KAZN: variants seen among roughly 807,000 people sequenced by gnomAD.
KAZN encodes kazrin, periplakin interacting protein.
In KAZN, 40 loss-of-function variants were observed where a neutral mutation model predicts 87.4. The ratio of observed to expected loss-of-function variants is 0.46; its 90% confidence interval spans 0.36 to 0.60. The LOEUF (loss-of-function observed/expected upper bound fraction) is 0.60, where lower values mean the gene tolerates loss of function less well. Among genes scored for constraint, KAZN ranks in the 20% least tolerant of loss-of-function variants. The probability of loss-of-function intolerance (pLI) is 0.00; values close to 1 mark genes in which losing one functional copy is unlikely to be tolerated. For missense variants in KAZN, 898 were observed against 1,073.9 expected (o/e 0.84, Z 2.29); for synonymous variants, 466 against 458.3 (o/e 1.02, Z -0.22).
intron 1 of KAZN, among the ~76,000 whole-genome samples, chr1:14,743,094 G>A (rs997721766): frequency 2.0e-5 from 3 of 152,172 alleles, no homozygotes; most frequent in African/African-American, 7.2e-5. Flanking sequence ...CAGGCATGAA[G>A]AGGCCAGGAG....
intron 1 of KAZN, among the ~76,000 whole-genome samples, chr1:14,077,618 A>C (rs1643512483): frequency 6.6e-6 from 1 of 152,232 alleles, no homozygotes; most frequent in Non-Finnish European, 1.5e-5. Context: ...TGAAGAGAAA[A>C]AAGAAACCAA....
intron 2 of KAZN, among the ~76,000 whole-genome samples, chr1:14,530,792 A>T (rs1284080474): frequency 6.6e-6 from 1 of 152,032 alleles, no homozygotes; most frequent in Non-Finnish European, 1.5e-5. Flanking sequence ...CTTATAAATT[A>T]CCCAGTCTCT....
intron 2 of KAZN, among the ~76,000 whole-genome samples, chr1:14,325,538 GGAGA>G (rs575465670): frequency 8.0e-4 from 121 of 152,146 alleles, no homozygotes; most frequent in African/African-American, 2.6e-3. Flanking sequence ...CAGAAAAGTA[GGAGA>G]GAGAGAAAAA....
At chr1:14,410,967 C>T (rs1004918111) in intron 2 of KAZN, among the ~76,000 whole-genome samples, 9 of 152,144 alleles carry the variant, frequency 5.9e-5, no homozygotes, top group South Asian at 4.1e-4. Context: ...TTGTTTAAGC[C>T]GCCAAGTTTC....
At chr1:14,894,244 G>A (rs1190685485) in intron 1 of KAZN, among the ~76,000 whole-genome samples, 2 of 151,994 alleles carry the variant, frequency 1.3e-5, no homozygotes, top group African/African-American at 4.8e-5. Flanking sequence ...TCGCCTGCCT[G>A]ACCCGACAGA....
Position 14,879,773 on chromosome 1 carries a change from G to A in KAZN, c.227-80911G>A, listed in dbSNP as rs537954214. On this transcript the variant is annotated intron_variant, in intron 1 of 14. Transcript: ENST00000376030. ...GAATGTAGACCGTCCCCCACAGCAT[G>A]GACATGCCTAAGACACAGTCGGGTT... Among the ~76,000 whole-genome samples the A allele has an allele frequency of 2.6e-5, 4 of 152,268 alleles. No individual in the cohort carries two copies. In the South Asian group the frequency reaches 8.3e-4, roughly 32 times the overall value.
intron 1 of KAZN, among the ~76,000 whole-genome samples, chr1:14,085,245 T>G (rs1479893975): frequency 6.6e-6 from 1 of 152,244 alleles, no homozygotes; most frequent in Admixed American, 6.5e-5. Flanking sequence ...TGTGACTTTT[T>G]GGATGTAATT....
At chr1:14,383,147 T>TGC (rs1661526351) in intron 2 of KAZN, among the ~76,000 whole-genome samples, 2 of 151,778 alleles carry the variant, frequency 1.3e-5, no homozygotes, top group African/African-American at 4.9e-5. Context: ...ATATCCTTCA[T>TGC]CCACTTTTTG....
chr1:14,478,654 A>G (rs1363864052), intron 2 of KAZN, among the ~76,000 whole-genome samples: 2 of 152,114 alleles, frequency 1.3e-5, no homozygotes, highest in Non-Finnish European at 2.9e-5. Context: ...AACATATTTC[A>G]CTTCTTTTAT....
At chr1:14,705,908 C>T (rs1642185153) in intron 1 of KAZN, among the ~76,000 whole-genome samples, 2 of 152,112 alleles carry the variant, frequency 1.3e-5, no homozygotes, top group African/African-American at 4.8e-5. Flanking sequence ...CAGTCCATGG[C>T]CTGTTAAGAA....
intron 1 of KAZN, among the ~76,000 whole-genome samples, chr1:14,125,694 T>C (rs1389114905): frequency 6.6e-6 from 1 of 152,150 alleles, no homozygotes; most frequent in Admixed American, 6.5e-5. Context: ...AGTAAACTTC[T>C]GTTAAGTCAC....
chr1:14,156,926 TC>T (rs1414998439), intron 1 of KAZN, among the ~76,000 whole-genome samples: 1 of 151,030 alleles, frequency 6.6e-6, no homozygotes, highest in Non-Finnish European at 1.5e-5. Flanking sequence ...TTTTTTTTTT[TC>T]CTTGTCTTTT....
chr1:15,040,071 T>C (rs1672735868), intron 3 of KAZN, among the ~76,000 whole-genome samples: 1 of 152,242 alleles, frequency 6.6e-6, no homozygotes, highest in Admixed American at 6.5e-5. Flanking sequence ...TAGTCATTGT[T>C]GGGTCCAGCC....
intron 8 of KAZN, among the ~76,000 whole-genome samples, chr1:15,089,998 C>T (rs1640459297): frequency 6.6e-6 from 1 of 152,168 alleles, no homozygotes; most frequent in African/African-American, 2.4e-5. Context: ...TCGTGATTTC[C>T]CGGCTCTAAT....
chr1:14,670,753 T>C (rs1639869441), intron 1 of KAZN, among the ~76,000 whole-genome samples: 2 of 152,314 alleles, frequency 1.3e-5, no homozygotes, highest in Admixed American at 1.3e-4. Flanking sequence ...ATTCAGTAGG[T>C]CTGGGCTCAA....
rs1311540907 is a variant in KAZN, at chr1:14,735,860, A to G, written c.226+136637A>G. On this transcript the variant is annotated intron_variant, in intron 1 of 14. Transcript: ENST00000376030. This position sits in a 1 kb window ranked among gnomAD's most constrained non-coding sequence, Gnocchi z 4.3. The stretch of plus-strand genomic sequence containing the variant: ...CCACTTAATCCCCAGAGCCTTTGTG[A>G]TTTGTAAGTTTCAGGCTTGAGCTTG... 6.6e-6 allele frequency among the ~76,000 whole-genome samples: 1 copy of G among 152,154 alleles called. No individual in the cohort carries two copies. The highest frequency in any genetic ancestry group is 2.4e-5 in the African/African-American group (1 of 41,436).
intron 2 of KAZN, among the ~76,000 whole-genome samples, chr1:14,528,268 G>A (rs1024880562): frequency 2.7e-5 from 4 of 145,516 alleles, no homozygotes; most frequent in African/African-American, 1.0e-4. Context: ...AATCTGAGAG[G>A]TGGAGGTTGC....
At chr1:14,201,965 G>C (rs1646649840) in intron 2 of KAZN, among the ~76,000 whole-genome samples, 1 of 152,216 alleles carries the variant, frequency 6.6e-6, no homozygotes. Context: ...ACTGCGCCTG[G>C]CCCCTCGTTT....
chr1:13,972,395 CAG>C (rs1269362626), intron 1 of KAZN, among the ~76,000 whole-genome samples: 3 of 150,820 alleles, frequency 2.0e-5, no homozygotes, highest in Non-Finnish European at 4.4e-5. Flanking sequence ...TAAAAATAAA[CAG>C]AGATGTGAAG....
Sources: gnomAD v4.1 joint callset for allele counts (sites outside exome capture counted in the v4.1 genomes callset) on GRCh38, gnomAD v4.1.1 for gene constraint, Gnocchi (gnomAD v3.1) non-coding constraint, MANE v1.5 for transcripts, NCBI Gene and HGNC (gene_info 2026-07-23, HGNC 2026-07-21) for gene names.